Variants in PCDHGA8 observed in about 807,000 individuals in gnomAD.
PCDHGA8 encodes the protein protocadherin gamma-A8.
In PCDHGA8, 45 loss-of-function variants were observed where a neutral mutation model predicts 59.2. That is an observed-to-expected ratio of 0.76 (90% CI 0.60 to 0.98). The LOEUF is 0.98. PCDHGA8 is among the 50% of genes least tolerant of loss of function. The pLI, the probability that PCDHGA8 is intolerant of heterozygous loss-of-function variation, is 0.00. For synonymous variants in PCDHGA8, 531 were observed against 519.0 expected, an observed-to-expected ratio of 1.02 and a Z score of -0.32; for missense variants, 1,257 against 1,196.2, an observed-to-expected ratio of 1.05 and a Z score of -0.75.
rs941528168 is a variant in PCDHGA8, at chr5:141,476,433, T to C, written c.2425-18374T>C. 2 of 1,614,094 alleles carry C rather than the reference T, an allele frequency of 1.2e-6. No individual in the cohort carries two copies. The highest frequency in any genetic ancestry group is 2.2e-5 in the East Asian group (1 of 44,856). ...TGTGGGACACTGCCCTCTTGCACTGTAACTCTGGAGTTGGTAGTGGAGAAC... is the reference window on the plus strand; with the variant it reads ...TGTGGGACACTGCCCTCTTGCACTGCAACTCTGGAGTTGGTAGTGGAGAAC... On this transcript the variant is annotated intron_variant, in intron 1 of 3. Coordinates refer to ENST00000398604, the MANE Select transcript of PCDHGA8 (RefSeq NM_032088.2). This position sits in a 1 kb window ranked among gnomAD's most constrained non-coding sequence, Gnocchi z 7.6.
Position 141,486,677 on chromosome 5 carries a change from G to A in PCDHGA8, c.2425-8130G>A, listed in dbSNP as rs755512470. ...ACTCCTGGAGCCCAGGAATCGAGATGTATCAGCTTCCTCTTTCATCTCTCT... is the reference window on the plus strand; with the variant it reads ...ACTCCTGGAGCCCAGGAATCGAGATATATCAGCTTCCTCTTTCATCTCTCT... On this transcript the variant is annotated intron_variant, in intron 1 of 3. Transcript: ENST00000398604. This position sits in a 1 kb window ranked among gnomAD's most constrained non-coding sequence, Gnocchi z 5.0. The A allele has an allele frequency of 3.7e-6, 6 of 1,614,060 alleles. No individual in the cohort carries two copies. Among genetic ancestry groups the A allele is most frequent in the Middle Eastern group, 1.6e-4 (1 of 6,062 alleles).
In PCDHGA8 at chr5:141,472,994, A is replaced by G. The variant is rs188075835; in HGVS notation, c.2425-21813A>G. Among the ~76,000 whole-genome samples, 1,141 of 151,802 alleles carry G rather than the reference A, an allele frequency of 7.5e-3. 5 individuals carry two copies. The highest frequency in any genetic ancestry group is 0.017 in the Middle Eastern group (5 of 294). ...AGAGTGAAACTCAAAAAAAAAAAAA[A>G]AAAGAAAGAAAAAGAAAAAGAAAGA... On this transcript the variant is annotated intron_variant, in intron 1 of 3. Transcript: ENST00000398604.
At chr5:141,496,178 C>T (rs1481326898) in intron 2 of PCDHGA8, among the ~76,000 whole-genome samples, 2 of 152,080 alleles carry the variant, frequency 1.3e-5, no homozygotes, top group Admixed American at 1.3e-4. Flanking sequence ...CCCATCCAAG[C>T]AGCCCCAGCT....
intron 1 of PCDHGA8, among the ~76,000 whole-genome samples, chr5:141,494,157 G>A (rs929922206): frequency 5.9e-5 from 9 of 152,312 alleles, no homozygotes; most frequent in African/African-American, 1.7e-4. Context: ...TGTCTGGCAC[G>A]GAGTTCTAGG....
At position 141,489,577 on chromosome 5, in the gene PCDHGA8, C is replaced by A. The variant is rs918238376; in HGVS notation, c.2425-5230C>A. The stretch of plus-strand genomic sequence containing the variant: ...GCCAGTGCAGGTGGTGACTGAACAC[C>A]CCCTGGAGCTAATCCGTGTAGAGGT... On this transcript the variant is annotated intron_variant, in intron 1 of 3. Coordinates refer to ENST00000398604, the MANE Select transcript of PCDHGA8 (RefSeq NM_032088.2). This position sits in a 1 kb window ranked among gnomAD's most constrained non-coding sequence, Gnocchi z 4.5. The A allele has an allele frequency of 6.2e-7, 1 of 1,613,894 alleles. No individual in the cohort carries two copies. The highest frequency in any genetic ancestry group is 8.5e-7 in the Non-Finnish European group (1 of 1,180,000).
intron 1 of PCDHGA8, chr5:141,398,671 A>G (rs759202675): frequency 1.2e-6 from 2 of 1,614,018 alleles, no homozygotes; most frequent in Non-Finnish European, 1.7e-6. Context: ...CTCATTAATA[A>G]TTAAGGAGAA....
intron 1 of PCDHGA8, among the ~76,000 whole-genome samples, chr5:141,482,755 T>TGAAGTGGGAGAATTGCTTGAGCCTGGG (rs1554165462): frequency 6.3e-5 from 9 of 143,570 alleles, no homozygotes; most frequent in African/African-American, 1.4e-4. Context: ...GGGATTATGG[T>TGAAGTGGGAGAATTGCTTGAGCCTGGG]ATTTCATTAT....
chr5:141,431,921 G>A lies in PCDHGA8; in HGVS notation c.2424+36684G>A. The A allele has an allele frequency of 1.9e-6, 3 of 1,614,142 alleles. No homozygotes were observed. Among genetic ancestry groups the A allele is most frequent in the South Asian group, 2.2e-5 (2 of 91,084 alleles). On this transcript the variant is annotated intron_variant, in intron 1 of 3. Transcript: ENST00000398604. The surrounding 1 kb of genome is among the most constrained non-coding windows in gnomAD (Gnocchi z 4.8). ...CGGACAGGTGATCTGTTTCATCCAA[G>A]GAAATCTGCCCTTTAAATTAGAAAA...
At chr5:141,395,547 TGTGTGTG>T (rs1561655273) in intron 1 of PCDHGA8, 9,050 of 174,290 alleles carry the variant, frequency 0.052, 489 homozygotes, top group Middle Eastern at 0.08. Context: ...ATTGTTTGTG[TGTGTGTG>T]TGTGTGTGTG....
intron 1 of PCDHGA8, among the ~76,000 whole-genome samples, chr5:141,443,376 T>C (rs1365277469): frequency 6.6e-6 from 1 of 151,990 alleles, no homozygotes; most frequent in Admixed American, 6.6e-5. Flanking sequence ...TCTCAGCTAC[T>C]TGGGAGGCTG....
chr5:141,462,268 A>C (rs982301403), intron 1 of PCDHGA8, among the ~76,000 whole-genome samples: 3 of 152,196 alleles, frequency 2.0e-5, no homozygotes, highest in African/African-American at 7.2e-5. Flanking sequence ...CCTAAAGTGT[A>C]TTGTTTAGTC....
chr5:141,501,453 C>T (rs567794395), intron 2 of PCDHGA8, among the ~76,000 whole-genome samples: 1 of 152,094 alleles, frequency 6.6e-6, no homozygotes, highest in Non-Finnish European at 1.5e-5. Flanking sequence ...TTTTACTTTT[C>T]ACTATTCCCC....
chr5:141,485,279 C>T lies in PCDHGA8; in HGVS notation c.2425-9528C>T. 1 of 1,614,108 alleles carries T rather than the reference C, an allele frequency of 6.2e-7. No individual in the cohort carries two copies. Among genetic ancestry groups the T allele is most frequent in the Non-Finnish European group, 8.5e-7 (1 of 1,179,966 alleles). ...TTGTGGGCAGATCCGCTACCCGGTC[C>T]CAGAGGAGTCACAGGAAGGGACTTT... On this transcript the variant is annotated intron_variant, in intron 1 of 3. Transcript: ENST00000398604. The surrounding 1 kb of genome is among the most constrained non-coding windows in gnomAD (Gnocchi z 5.7).
chr5:141,420,330 C>G lies in PCDHGA8; in HGVS notation c.2424+25093C>G, dbSNP rs765696240. 711 of 1,399,258 alleles carry G rather than the reference C, an allele frequency of 5.1e-4. 1 individual carries two copies. The highest frequency in any genetic ancestry group is 6.5e-4 in the Non-Finnish European group (676 of 1,043,138). 86.7% of individuals were successfully genotyped at this position (1,399,258 alleles called of 1,614,324 possible). A position where few individuals can be genotyped will look rare whatever the true frequency, so the allele number is the denominator to read the frequency against. On this transcript the variant is annotated intron_variant, in intron 1 of 3. Coordinates refer to ENST00000398604, the MANE Select transcript of PCDHGA8 (RefSeq NM_032088.2). Reference sequence around the variant, plus strand: ...TTATATTACAATATGCCAATATATTCCAATATAGTGGTATTATTTTAAGAT... The same window carrying G: ...TTATATTACAATATGCCAATATATTGCAATATAGTGGTATTATTTTAAGAT...
At chr5:141,403,208 A>T (rs763459005) in intron 1 of PCDHGA8, 2 of 1,613,962 alleles carry the variant, frequency 1.2e-6, no homozygotes, top group Non-Finnish European at 1.7e-6. Flanking sequence ...CACCTTGGTC[A>T]CCGCGGGTAG....
chr5:141,496,021 G>C lies in PCDHGA8; in HGVS notation c.2483+1156G>C, dbSNP rs1011612662. Among the ~76,000 whole-genome samples, 3 of 151,454 alleles carry C rather than the reference G, an allele frequency of 2.0e-5. No individual in the cohort carries two copies. The East Asian group carries it at 5.8e-4, about 29-fold the overall frequency. ...CTTTTATCTTGTCTTTTTTCTCTGA[G>C]CCTCTGTCTCTGTCTCTCATTTTTT... On this transcript the variant is annotated intron_variant, in intron 2 of 3. Coordinates refer to ENST00000398604, the MANE Select transcript of PCDHGA8 (RefSeq NM_032088.2).
At chr5:141,417,532 T>C (rs2096129143) in intron 1 of PCDHGA8, 1 of 284,726 alleles carries the variant, frequency 3.5e-6, no homozygotes, top group African/African-American at 2.2e-5. Flanking sequence ...ACTCGTAGTT[T>C]AAAAAAAATT....
At chr5:141,474,652 T>C (rs962582027) in intron 1 of PCDHGA8, among the ~76,000 whole-genome samples, 1 of 152,206 alleles carries the variant, frequency 6.6e-6, no homozygotes, top group African/African-American at 2.4e-5. Context: ...TCCTTACTTC[T>C]TTTCTACCTA....
At chr5:141,479,206 T>C (rs987807222) in intron 1 of PCDHGA8, 3 of 152,400 alleles carry the variant, frequency 2.0e-5, no homozygotes, top group African/African-American at 7.2e-5. Context: ...CAGAAAAGTA[T>C]TTAAAAAATT....
Sources: allele counts gnomAD v4.1 joint callset (sites outside exome capture counted in the v4.1 genomes callset), GRCh38; gene constraint gnomAD v4.1.1; non-coding constraint Gnocchi (gnomAD v3.1); transcripts MANE v1.5; gene names NCBI Gene and HGNC (gene_info 2026-07-23, HGNC 2026-07-21).